ZFYVE9: variants seen among roughly 807,000 people sequenced by gnomAD.
The protein encoded by ZFYVE9 is zinc finger FYVE-type containing 9, also known as zinc finger FYVE domain-containing protein 9.
In ZFYVE9, 43 loss-of-function variants were observed where a neutral mutation model predicts 126.7. That is an observed-to-expected ratio of 0.34 (90% CI 0.27 to 0.44). The LOEUF (loss-of-function observed/expected upper bound fraction) is 0.44. Among genes scored for constraint, ZFYVE9 ranks in the 20% least tolerant of loss-of-function variants. The probability of loss-of-function intolerance (pLI) is 1.00; values close to 1 mark genes in which losing one functional copy is unlikely to be tolerated. For missense variants in ZFYVE9, 1,476 were observed against 1,697.0 expected (o/e 0.87, Z 2.29); for synonymous variants, 521 against 597.4 (o/e 0.87, Z 1.87).
intron 1 of ZFYVE9, among the ~76,000 whole-genome samples, chr1:52,178,169 C>T (rs1052046128): frequency 2.7e-5 from 4 of 148,476 alleles, no homozygotes; most frequent in Non-Finnish European, 5.9e-5. Flanking sequence ...GTCTCAGCTA[C>T]TTGGGAGGCT....
intron 5 of ZFYVE9, chr1:52,264,086 C>A: frequency 3.2e-6 from 1 of 317,082 alleles, no homozygotes; most frequent in Non-Finnish European, 5.8e-6. Context: ...ATGCTAAAGC[C>A]AGGTAAGTTT....
intron 1 of ZFYVE9, among the ~76,000 whole-genome samples, chr1:52,161,042 A>AT (rs556288629): frequency 6.6e-6 from 1 of 151,886 alleles, no homozygotes; most frequent in African/African-American, 2.4e-5. Context: ...TTTTTATTTT[A>AT]TTTTTTCAAA....
chr1:52,201,496 C>A (rs1340338031), intron 1 of ZFYVE9, among the ~76,000 whole-genome samples: 2 of 151,350 alleles, frequency 1.3e-5, no homozygotes, highest in Admixed American at 1.3e-4. Flanking sequence ...CCTGCCTCAG[C>A]CTCCCAAGTA....
At chr1:52,190,669 C>CATTATAAGGGTCTGTGTGT (rs1464306340) in intron 1 of ZFYVE9, among the ~76,000 whole-genome samples, 1 of 152,130 alleles carries the variant, frequency 6.6e-6, no homozygotes, top group African/African-American at 2.4e-5. Flanking sequence ...GGCTGTGGTT[C>CATTATAAGGGTCTGTGTGT]ATTATAAGGG....
At chr1:52,266,043 A>G (rs910013245) in intron 5 of ZFYVE9, among the ~76,000 whole-genome samples, 3 of 152,176 alleles carry the variant, frequency 2.0e-5, no homozygotes, top group East Asian at 3.8e-4. Context: ...CCAGGCTCCA[A>G]CCTTTAACTC....
chr1:52,166,338 G>A (rs541176718), intron 1 of ZFYVE9, among the ~76,000 whole-genome samples: 2 of 152,282 alleles, frequency 1.3e-5, no homozygotes, highest in African/African-American at 2.4e-5. Flanking sequence ...GGATTCCCGC[G>A]AGTCTGTGGA....
chr1:52,230,834 G>T (rs1286164968), intron 2 of ZFYVE9, among the ~76,000 whole-genome samples: 1 of 152,130 alleles, frequency 6.6e-6, no homozygotes, highest in Non-Finnish European at 1.5e-5. Context: ...TATCTGACAG[G>T]TTAATCACTT....
intron 11 of ZFYVE9, 59 bp from the exon 12 acceptor site, chr1:52,295,834 ATC>A: frequency 7.2e-7 from 1 of 1,395,334 alleles, no homozygotes. Flanking sequence ...TAGTCATGAA[ATC>A]TCTTTTACCA....
intron 1 of ZFYVE9, among the ~76,000 whole-genome samples, chr1:52,169,804 C>T (rs1356636421): frequency 6.6e-6 from 1 of 152,086 alleles, no homozygotes; most frequent in Non-Finnish European, 1.5e-5. Flanking sequence ...AGATTTGACC[C>T]CAAAACTTGC....
chr1:52,213,969 T>C (rs1366063968), intron 1 of ZFYVE9, among the ~76,000 whole-genome samples: 1 of 152,108 alleles, frequency 6.6e-6, no homozygotes, highest in Non-Finnish European at 1.5e-5. Context: ...GAATGATTAG[T>C]TTTGCAGAAT....
intron 17 of ZFYVE9, among the ~76,000 whole-genome samples, chr1:52,342,557 C>T (rs1286863881): frequency 3.6e-5 from 5 of 137,122 alleles, no homozygotes; most frequent in East Asian, 4.4e-4. Flanking sequence ...TTTTTTGAGA[C>T]GGAGTCTCGC....
In ZFYVE9 at chr1:52,238,299, T is replaced by C. The variant is rs747420441; in HGVS notation, c.882T>C (p.Thr294=). 3.1e-6 allele frequency: 5 copies of C among 1,613,828 alleles called. No homozygotes were observed. In the Admixed American group the frequency reaches 8.3e-5, roughly 27 times the overall value. The part of the protein sequence containing the change: ...QENYIPDEDL[T]GKISSPRTDL... Reference sequence around the variant, plus strand: ...ACTATATACCAGATGAGGACCTCACTGGCAAAATCAGCTCTCCTAGGACAG... The same window carrying C: ...ACTATATACCAGATGAGGACCTCACCGGCAAAATCAGCTCTCCTAGGACAG... Residue 294 remains threonine, a synonymous_variant, in exon 4 of 19, where the codon ACT becomes ACC. Transcript: ENST00000287727.
At chr1:52,211,971 G>T (rs867542975) in intron 1 of ZFYVE9, among the ~76,000 whole-genome samples, 14 of 151,804 alleles carry the variant, frequency 9.2e-5, no homozygotes, top group African/African-American at 3.1e-4. Context: ...GTTTATGTAA[G>T]AACTAAAATC....
At position 52,346,570 on chromosome 1, in the gene ZFYVE9, A is replaced by G. The variant is rs987462089; in HGVS notation, c.*349A>G. ...ATGGTCATGTGCTCAGAAATGCTCA[A>G]ATGGGTACAACCATCACCAAGGGTG... On this transcript the variant is annotated 3_prime_UTR_variant, in exon 19 of 19. Coordinates refer to ENST00000287727, the MANE Select transcript of ZFYVE9 (RefSeq NM_004799.4). The G allele has an allele frequency of 9.8e-6, 4 of 406,616 alleles. No individual in the cohort carries two copies. Among genetic ancestry groups the G allele is most frequent in the Non-Finnish European group, 1.3e-5 (3 of 230,396 alleles). The allele number at this position is 406,616 out of a possible 1,614,324, so 25.2% of individuals were successfully genotyped here.
intron 4 of ZFYVE9, among the ~76,000 whole-genome samples, chr1:52,242,282 T>C (rs1444847705): frequency 6.6e-6 from 1 of 152,206 alleles, no homozygotes; most frequent in Admixed American, 6.5e-5. Context: ...TCCACTTGCC[T>C]TGGCCTCCCA....
rs931727840 is a variant in ZFYVE9 at position 52,346,348 on chromosome 1, G to C, written c.*127G>C. 3 of 939,874 alleles carry C rather than the reference G, an allele frequency of 3.2e-6. No homozygotes were observed. The Admixed American group carries it at 9.4e-5, about 29-fold the overall frequency. 58.2% of individuals were successfully genotyped at this position (939,874 alleles called of 1,614,324 possible). A position where few individuals can be genotyped will look rare whatever the true frequency, so the allele number is the denominator to read the frequency against. ...TATTAATGGGGTGGGGAATAGGGTGGGAGTGGGGGTTTGGGAGACGGGTGG... is the reference window on the plus strand; with the variant it reads ...TATTAATGGGGTGGGGAATAGGGTGCGAGTGGGGGTTTGGGAGACGGGTGG... On this transcript the variant is annotated 3_prime_UTR_variant, in exon 19 of 19. Transcript: ENST00000287727.
chr1:52,176,661 G>C (rs1375206166), intron 1 of ZFYVE9, among the ~76,000 whole-genome samples: 1 of 152,138 alleles, frequency 6.6e-6, no homozygotes, highest in Non-Finnish European at 1.5e-5. Flanking sequence ...CGAGCTTCCC[G>C]GCTGCTTTGT....
intron 1 of ZFYVE9, among the ~76,000 whole-genome samples, chr1:52,169,600 A>G (rs1644545469): frequency 6.6e-6 from 1 of 152,176 alleles, no homozygotes; most frequent in African/African-American, 2.4e-5. Flanking sequence ...ACTCAAATTC[A>G]ACAACCTGGT....
intron 1 of ZFYVE9, among the ~76,000 whole-genome samples, chr1:52,204,657 G>T (rs1644956425): frequency 6.6e-6 from 1 of 152,116 alleles, no homozygotes; most frequent in South Asian, 2.1e-4. Context: ...AACCCAGGAG[G>T]TGAAGGTTGC....
Sources: gnomAD v4.1 joint callset for allele counts (sites outside exome capture counted in the v4.1 genomes callset) on GRCh38, gnomAD v4.1.1 for gene constraint, MANE v1.5 for transcripts, NCBI Gene and HGNC (gene_info 2026-07-23, HGNC 2026-07-21) for gene names.